The following TARS3 variants were observed in gnomAD, a reference collection of about 807,000 sequenced individuals.
TARS3 encodes the protein threonine--tRNA ligase 2, cytoplasmic.
TARS3 carries 94 observed loss-of-function variants against 103.5 expected under a neutral mutation model. The observed-to-expected ratio is 0.91, with a 90% CI of 0.77 to 1.08. The LOEUF is 1.08. TARS3 is among the 50% of genes least tolerant of loss of function. The probability of loss-of-function intolerance (pLI) is 0.00; values close to 1 mark genes in which losing one functional copy is unlikely to be tolerated. For synonymous variants in TARS3, 416 were observed against 355.4 expected (o/e 1.17, Z -1.92); for missense variants, 952 against 995.2 (o/e 0.96, Z 0.58).
At chr15:101,688,166 T>A (rs1033485522) in intron 10 of TARS3, among the ~76,000 whole-genome samples, 3 of 152,174 alleles carry the variant, frequency 2.0e-5, no homozygotes, top group East Asian at 1.9e-4. Context: ...GTTTTGTCTC[T>A]CACACACACA....
intron 9 of TARS3, among the ~76,000 whole-genome samples, chr15:101,701,559 C>G (rs1458159068): frequency 1.3e-5 from 2 of 152,208 alleles, no homozygotes; most frequent in East Asian, 1.9e-4. Flanking sequence ...CTGTACCAGG[C>G]ACCGTCACCC....
intron 3 of TARS3, among the ~76,000 whole-genome samples, chr15:101,715,510 C>A (rs1352599853): frequency 5.9e-5 from 9 of 152,198 alleles, no homozygotes; most frequent in Admixed American, 5.9e-4. Flanking sequence ...AAAAATCACA[C>A]ATAAATATCA....
At chr15:101,681,735 G>A (rs906965687) in intron 12 of TARS3, among the ~76,000 whole-genome samples, 3 of 152,032 alleles carry the variant, frequency 2.0e-5, no homozygotes, top group Non-Finnish European at 4.4e-5. Context: ...ATCGTATCAT[G>A]AGGGTTCCAT....
intron 13 of TARS3, among the ~76,000 whole-genome samples, 159 bp downstream of exon 13, chr15:101,675,441 T>C (rs1897981346): frequency 6.6e-6 from 1 of 152,242 alleles, no homozygotes; most frequent in African/African-American, 2.4e-5. Context: ...GTCACAAAGA[T>C]AATGGGATAA....
In TARS3 at chr15:101,690,419, T is replaced by C. The variant is rs568008884; in HGVS notation, c.1321-4357A>G. 2.6e-4 allele frequency among the ~76,000 whole-genome samples: 39 copies of C among 152,346 alleles called. 1 individual carries two copies. In the South Asian group the frequency reaches 7.9e-3, roughly 31 times the overall value. On this transcript the variant is annotated intron_variant, in intron 10 of 18. Coordinates refer to ENST00000335968, the MANE Select transcript of TARS3 (RefSeq NM_152334.3). Reference sequence around the variant, plus strand: ...AAGAAAACCTGAACATTTTCTCTCATTCCACCCTTTACTGCCCTGAGATAA... The same window carrying C: ...AAGAAAACCTGAACATTTTCTCTCACTCCACCCTTTACTGCCCTGAGATAA...
intron 1 of TARS3, 33 bp from the exon 2 acceptor site, chr15:101,723,197 TG>T: frequency 6.3e-7 from 1 of 1,589,914 alleles, no homozygotes; most frequent in Non-Finnish European, 8.6e-7. Flanking sequence ...CTCACATCAA[TG>T]GCAAGAAAAA....
chr15:101,700,869 T>C (rs1014003299), intron 10 of TARS3, among the ~76,000 whole-genome samples: 3 of 152,190 alleles, frequency 2.0e-5, no homozygotes, highest in African/African-American at 7.2e-5. Flanking sequence ...CTCGAACTCC[T>C]GACCTCAGGT....
intron 15 of TARS3, among the ~76,000 whole-genome samples, chr15:101,671,011 G>A (rs2141390504): frequency 6.6e-6 from 1 of 152,192 alleles, no homozygotes; most frequent in East Asian, 1.9e-4. Flanking sequence ...CTACAAAGGA[G>A]CAGCACAAGA....
At chr15:101,697,636 C>CG in intron 10 of TARS3, among the ~76,000 whole-genome samples, 1 of 152,176 alleles carries the variant, frequency 6.6e-6, no homozygotes, top group South Asian at 2.1e-4. Flanking sequence ...CTTCAGGACA[C>CG]GGATCAAATT....
chr15:101,683,766 A>C (rs895879682), intron 12 of TARS3, among the ~76,000 whole-genome samples: 1 of 152,256 alleles, frequency 6.6e-6, no homozygotes, highest in Non-Finnish European at 1.5e-5. Context: ...TTAACACAAA[A>C]ACTTGAAAAA....
intron 17 of TARS3, 78 bp downstream of exon 17, chr15:101,657,707 A>G (rs958681928): frequency 9.3e-6 from 9 of 972,232 alleles, no homozygotes; most frequent in Non-Finnish European, 1.4e-5. Context: ...ATTTTAAAGC[A>G]TGAAGGACAC....
At chr15:101,679,500 GA>G (rs1555483973) in intron 12 of TARS3, among the ~76,000 whole-genome samples, 3 of 78,808 alleles carry the variant, frequency 3.8e-5, no homozygotes, top group African/African-American at 8.1e-5. Flanking sequence ...TTTCTTCGCT[GA>G]CTTTGTAATT....
rs905496183 is a variant in TARS3 at position 101,697,458 on chromosome 15, C to T, written c.1320+3628G>A. On this transcript the variant is annotated intron_variant, in intron 10 of 18. Coordinates refer to ENST00000335968, the MANE Select transcript of TARS3 (RefSeq NM_152334.3). ...CAGGCAGAATGTAGAAAATGACAGC[C>T]GATTTTTGGCTCCCTATGGTAAAAT... 2.4e-4 allele frequency among the ~76,000 whole-genome samples: 36 copies of T among 152,152 alleles called. 1 individual carries two copies. In the South Asian group the frequency reaches 3.1e-3, roughly 13 times the overall value.
At chr15:101,714,605 C>CAAAAA (rs35014693) in intron 4 of TARS3, 9 of 77,746 alleles carry the variant, frequency 1.2e-4, no homozygotes, top group South Asian at 4.5e-4. Flanking sequence ...GACTCCATCT[C>CAAAAA]AAAAAAAAAA....
At chr15:101,721,082 T>G in intron 3 of TARS3, 44 bp downstream of exon 3, 2 of 1,525,508 alleles carry the variant, frequency 1.3e-6, no homozygotes, top group South Asian at 2.4e-5. Context: ...CAGGCTTCAG[T>G]ATAATTACTT....
chr15:101,702,386 C>G lies in TARS3; in HGVS notation c.1075-1G>C, dbSNP rs781673091. 17 of 1,612,648 alleles carry G rather than the reference C, an allele frequency of 1.1e-5. No individual in the cohort carries two copies. The South Asian group carries it at 1.9e-4, about 18-fold the overall frequency. On this transcript the variant is annotated splice_acceptor_variant, in intron 8 of 18. Transcript: ENST00000335968. LOFTEE classifies it high-confidence loss of function. The stretch of plus-strand genomic sequence containing the variant: ...TGCCCTCCCAATATGTTGAGGAATT[C>G]TAAATATCAAAGAGGATTTTGGTAA...
intron 6 of TARS3, among the ~76,000 whole-genome samples, chr15:101,707,401 G>A (rs1173889085): frequency 1.3e-5 from 2 of 152,212 alleles, no homozygotes; most frequent in East Asian, 1.9e-4. Context: ...TCACAGCAGC[G>A]CTGTTCACAA....
intron 2 of TARS3, among the ~76,000 whole-genome samples, chr15:101,721,790 C>T (rs770830043): frequency 1.3e-5 from 2 of 152,170 alleles, no homozygotes; most frequent in African/African-American, 2.4e-5. Flanking sequence ...TCACCGTATC[C>T]AGCCGCAATT....
At chr15:101,686,100 G>C (rs778824057) in intron 10 of TARS3, 38 bp from the exon 11 acceptor site, 12 of 1,533,704 alleles carry the variant, frequency 7.8e-6, no homozygotes, top group African/African-American at 1.4e-5. Context: ...AATCTGCTAG[G>C]GCAGATCACA....
Sources: allele counts gnomAD v4.1 joint callset (sites outside exome capture counted in the v4.1 genomes callset), GRCh38; gene constraint gnomAD v4.1.1; transcripts MANE v1.5; gene names NCBI Gene and HGNC (gene_info 2026-07-23, HGNC 2026-07-21).